The following SEC22C variants were observed in gnomAD, a reference collection of about 807,000 sequenced individuals.
The protein encoded by SEC22C is vesicle-trafficking protein SEC22c.
Under a neutral mutation model 34.7 loss-of-function variants are expected in SEC22C, and 29 were observed. That is an observed-to-expected ratio of 0.84 (90% CI 0.62 to 1.14). The LOEUF is 1.14. SEC22C is among the 50% of genes most tolerant of loss of function. The pLI, the probability that SEC22C is intolerant of heterozygous loss-of-function variation, is 0.00. For missense variants in SEC22C, 337 were observed against 369.0 expected, an observed-to-expected ratio of 0.91 and a Z score of 0.71; for synonymous variants, 117 against 132.8, an observed-to-expected ratio of 0.88 and a Z score of 0.82.
intron 2 of SEC22C, among the ~76,000 whole-genome samples, chr3:42,567,166 T>G (rs1330127761): frequency 1.5e-4 from 23 of 152,208 alleles, no homozygotes; most frequent in Non-Finnish European, 2.9e-4. Flanking sequence ...CCTCCCAAAG[T>G]GCTGGGATTA....
intron 1 of SEC22C, chr3:42,590,938 C>G: frequency 7.0e-7 from 1 of 1,425,958 alleles, no homozygotes; most frequent in Non-Finnish European, 9.3e-7. Context: ...AGGGGCAAGG[C>G]GGAAGTCAAT....
At chr3:42,595,870 G>A (rs781093719) in intron 1 of SEC22C, among the ~76,000 whole-genome samples, 1 of 152,190 alleles carries the variant, frequency 6.6e-6, no homozygotes, top group Non-Finnish European at 1.5e-5. Context: ...CCTCTAAAGT[G>A]AGGATAATGA....
chr3:42,554,996 C>CAA (rs36073859), intron 6 of SEC22C, among the ~76,000 whole-genome samples: 2 of 151,070 alleles, frequency 1.3e-5, no homozygotes, highest in African/African-American at 4.9e-5. Context: ...ACAACAACAA[C>CAA]AAAAAAATCA....
At position 42,558,690 on chromosome 3, in the gene SEC22C, G is replaced by A. The variant is rs192053649; in HGVS notation, c.527-994C>T. On this transcript the variant is annotated intron_variant, in intron 4 of 6. Coordinates refer to ENST00000264454, the MANE Select transcript of SEC22C (RefSeq NM_032970.4). ...GCCTGTAGTCCCCGCTACTCAGGAA[G>A]CTAAGGTGGGAGGATAGCTTGAGCC... Among the ~76,000 whole-genome samples, 6 of 152,222 alleles carry A rather than the reference G, an allele frequency of 3.9e-5. No individual in the cohort carries two copies. The East Asian group carries it at 9.7e-4, about 24-fold the overall frequency.
Position 42,549,110 on chromosome 3 carries a change from G to C in SEC22C, c.*4138C>G, listed in dbSNP as rs1702127694. The stretch of plus-strand genomic sequence containing the variant: ...TCTTTCCCTCACCTTCTCTCTCAAG[G>C]GCACAGCTACACTCTTTCTCCACCA... On this transcript the variant is annotated 3_prime_UTR_variant, in exon 7 of 7. Transcript: ENST00000264454. 1.3e-5 allele frequency: 13 copies of C among 995,876 alleles called. No individual in the cohort carries two copies. Among genetic ancestry groups the C allele is most frequent in the African/African-American group, 1.7e-5 (1 of 57,704 alleles). The allele number at this position is 995,876 out of a possible 1,614,324, so 61.7% of individuals were successfully genotyped here. A position where few individuals can be genotyped will look rare whatever the true frequency, so the allele number is the denominator to read the frequency against.
In SEC22C at chr3:42,549,226, A is replaced by G. The variant is rs1279788263; in HGVS notation, c.*4022T>C. On this transcript the variant is annotated 3_prime_UTR_variant, in exon 7 of 7. Transcript: ENST00000264454. ...TTTGGAATGTGAGCAATGTCTGAAC[A>G]GGGGCTTGCCAGGCACATCTGATCA... 4 of 986,634 alleles carry G rather than the reference A, an allele frequency of 4.1e-6. No homozygotes were observed. Among genetic ancestry groups the G allele is most frequent in the Non-Finnish European group, 4.8e-6 (4 of 830,710 alleles). 61.1% of individuals were successfully genotyped at this position (986,634 alleles called of 1,614,324 possible).
At chr3:42,569,140 G>T in intron 1 of SEC22C, 67 bp from the exon 2 acceptor site, 1 of 999,930 alleles carries the variant, frequency 1.0e-6, no homozygotes, top group Non-Finnish European at 1.5e-6. Flanking sequence ...CCCCACCTGT[G>T]AAATGCCCAC....
chr3:42,548,396 T>C lies in SEC22C; in HGVS notation c.*4852A>G, dbSNP rs1010030433. The C allele has an allele frequency of 1.7e-6, 1 of 592,996 alleles. No individual in the cohort carries two copies. Among genetic ancestry groups the C allele is most frequent in the African/African-American group, 1.9e-5 (1 of 53,778 alleles). 36.7% of individuals were successfully genotyped at this position (592,996 alleles called of 1,614,324 possible). ...CATGGGTCAGAGGAATAGAATGGAT[T>C]TGTTAATTTTACCCTAAATAAAAGG... On this transcript the variant is annotated 3_prime_UTR_variant, in exon 7 of 7. Transcript: ENST00000264454.
intron 6 of SEC22C, among the ~76,000 whole-genome samples, chr3:42,554,961 G>A (rs1186170272): frequency 2.0e-5 from 3 of 150,028 alleles, no homozygotes; most frequent in Non-Finnish European, 4.4e-5. Flanking sequence ...TGAGTCAGAA[G>A]GTATTACTAT....
At chr3:42,583,434 T>C (rs1704499572), upstream of SEC22C, among the ~76,000 whole-genome samples, 1 of 152,068 alleles carries the variant, frequency 6.6e-6, no homozygotes, top group African/African-American at 2.4e-5. Context: ...CTTGGATAAA[T>C]GGATGGATGG....
chr3:42,551,530 A>C lies in SEC22C; in HGVS notation c.*1718T>G. On this transcript the variant is annotated 3_prime_UTR_variant, in exon 7 of 7. Coordinates refer to ENST00000264454, the MANE Select transcript of SEC22C (RefSeq NM_032970.4). ...CTAATTTTTTTTTTTGTAGAGATGAATCTTACTATGTTGTCCAGGCTGGTC... is the reference window on the plus strand; with the variant it reads ...CTAATTTTTTTTTTTGTAGAGATGACTCTTACTATGTTGTCCAGGCTGGTC... 2.2e-6 allele frequency: 1 copy of C among 448,464 alleles called. No homozygotes were observed. The highest frequency in any genetic ancestry group is 2.9e-6 in the Non-Finnish European group (1 of 340,024). 27.8% of individuals were successfully genotyped at this position (448,464 alleles called of 1,614,324 possible).
chr3:42,569,150 C>T lies in SEC22C; in HGVS notation c.-27-77G>A, dbSNP rs891220756. ...AATACCCCCACCTGTGAAATGCCCA[C>T]TCTAGGGTTTTTCACCCTCATTCTT... On this transcript the variant is annotated intron_variant, in intron 1 of 6. Transcript: ENST00000264454. 6 of 907,944 alleles carry T rather than the reference C, an allele frequency of 6.6e-6. No homozygotes were observed. In the African/African-American group the frequency reaches 1.0e-4, roughly 15 times the overall value. The allele number at this position is 907,944 out of a possible 1,614,324, so 56.2% of individuals were successfully genotyped here. A position where few individuals can be genotyped will look rare whatever the true frequency, so the allele number is the denominator to read the frequency against.
chr3:42,553,416 C>G lies in SEC22C; in HGVS notation c.744G>C (p.Arg248Ser). Residue 248 changes from arginine (R) to serine (S), a missense_variant, in exon 7 of 7, where the codon AGG (arginine) becomes AGC (serine). Physicochemically the swap from Arg to Ser is moderately radical, Grantham distance 110 (BLOSUM62 -1). Transcript: ENST00000264454. ...CYLYLFYSPA[R>S]TMKVVLMLLF... is the part of the protein sequence containing the mutation. The stretch of plus-strand genomic sequence containing the variant: ...GCAGCATAAGCACCACCTTCATAGT[C>G]CTGGCTGGACTGTAGAACAGGTACA... 1 of 1,614,062 alleles carries G rather than the reference C, an allele frequency of 6.2e-7. No individual in the cohort carries two copies. The highest frequency in any genetic ancestry group is 8.5e-7 in the Non-Finnish European group (1 of 1,180,016).
intron 1 of SEC22C, among the ~76,000 whole-genome samples, chr3:42,598,252 G>T (rs2125744374): frequency 6.6e-6 from 1 of 151,752 alleles, no homozygotes; most frequent in East Asian, 1.9e-4. Context: ...CTCAAAAAAG[G>T]AAATTCTGAC....
At position 42,551,615 on chromosome 3, in the gene SEC22C, G is replaced by C; in HGVS notation, c.*1633C>G. On this transcript the variant is annotated 3_prime_UTR_variant, in exon 7 of 7. Transcript: ENST00000264454. ...GGCCTTCCAAAGTGCTGGGAATACA[G>C]GCATGAGCCATCATGCCTGGCCCAT... The C allele has an allele frequency of 1.1e-6, 1 of 880,342 alleles. No homozygotes were observed. Among genetic ancestry groups the C allele is most frequent in the Non-Finnish European group, 1.4e-6 (1 of 734,238 alleles). The allele number at this position is 880,342 out of a possible 1,614,324, so 54.5% of individuals were successfully genotyped here.
Position 42,557,621 on chromosome 3 carries a change from AG to A in SEC22C, c.601del (p.Leu201Ter). Reference sequence around the variant, plus strand: ...AAGGTGAACTCCTCGAATGAGATTCAGGGCAGCACACATGATGTTGAGAATG... The same window carrying A: ...AAGGTGAACTCCTCGAATGAGATTCAGGCAGCACACATGATGTTGAGAATG... ...SLILNIMCAA[L>X]NLIRGVHLAE... On this transcript the variant is annotated frameshift_variant, in exon 5 of 7. Transcript: ENST00000264454. LOFTEE classifies it high-confidence loss of function. 6.2e-7 allele frequency: 1 copy of A among 1,607,566 alleles called. No homozygotes were observed. Among genetic ancestry groups the A allele is most frequent in the Non-Finnish European group, 8.5e-7 (1 of 1,176,406 alleles).
At chr3:42,590,988 CGG>C in intron 1 of SEC22C, 1 of 54,226 alleles carries the variant, frequency 1.8e-5, no homozygotes, top group Non-Finnish European at 3.6e-5. Context: ...CGCGGGCGGG[CGG>C]GCGGGCGGAG....
intron 1 of SEC22C, among the ~76,000 whole-genome samples, chr3:42,592,910 TCC>T (rs138493932): frequency 0.011 from 1,618 of 152,286 alleles, 32 homozygotes; most frequent in African/African-American, 0.037. Flanking sequence ...AAATGTTTTG[TCC>T]CTTCTTGAAG....
intron 1 of SEC22C, among the ~76,000 whole-genome samples, chr3:42,569,845 G>A (rs1443337503): frequency 6.6e-6 from 1 of 152,192 alleles, no homozygotes; most frequent in East Asian, 1.9e-4. Flanking sequence ...TCTCTTGGTG[G>A]AAACAGGCCT....
Sources: gnomAD v4.1 joint callset for allele counts (sites outside exome capture counted in the v4.1 genomes callset) on GRCh38, gnomAD v4.1.1 for gene constraint, MANE v1.5 for transcripts, NCBI Gene and HGNC (gene_info 2026-07-23, HGNC 2026-07-21) for gene names.